Variants in CCDC92 observed in about 807,000 individuals in gnomAD.
CCDC92 encodes the protein coiled-coil domain containing 92.
A neutral mutation model predicts 24.9 loss-of-function variants in CCDC92; 12 were observed. That is an observed-to-expected ratio of 0.48 (90% CI 0.31 to 0.78). The LOEUF (loss-of-function observed/expected upper bound fraction) is 0.78, where lower values mean the gene tolerates loss of function less well. CCDC92 is among the 30% of genes least tolerant of loss of function. The probability of loss-of-function intolerance (pLI) is 0.05; values close to 1 mark genes in which losing one functional copy is unlikely to be tolerated. For missense variants in CCDC92, 399 were observed against 439.4 expected (o/e 0.91, Z 0.82); for synonymous variants, 193 against 196.3 (o/e 0.98, Z 0.14).
chr12:123,966,596 G>A (rs1327119409), intron 1 of CCDC92: 2 of 152,128 alleles, frequency 1.3e-5, no homozygotes, highest in East Asian at 1.9e-4. Flanking sequence ...CTAACCTGCC[G>A]AGGATTCCCA....
chr12:123,968,502 A>T (rs1362228339), intron 1 of CCDC92: 2 of 152,218 alleles, frequency 1.3e-5, no homozygotes, highest in Non-Finnish European at 1.5e-5. Flanking sequence ...TTCCTGAAAA[A>T]ATAAACACTT....
Position 123,937,212 on chromosome 12 carries a change from C to A in CCDC92, c.842G>T (p.Arg281Leu). 3 of 1,609,256 alleles carry A rather than the reference C, an allele frequency of 1.9e-6. No homozygotes were observed. The highest frequency in any genetic ancestry group is 2.5e-6 in the Non-Finnish European group (3 of 1,179,318). Residue 281 changes from arginine (R) to leucine (L), a missense_variant, in exon 5 of 5, where the codon CGC becomes CTC. Transcript: ENST00000238156. This position sits in a 1 kb window ranked among gnomAD's most constrained non-coding sequence, Gnocchi z 8.4. ...GACGTGGGCCTTGTGCGGCTTTTCG[C>A]GGGCCGGGCTGTGCTGCTCGCCGCT... ...DRSGEQHSPA[R>L]EKPHKAHVGV...
chr12:123,943,638 C>T (rs1955759225), intron 2 of CCDC92, 145 bp from the exon 3 acceptor site: 1 of 839,176 alleles, frequency 1.2e-6, no homozygotes, highest in Non-Finnish European at 1.9e-6. Flanking sequence ...GGTGTGGGGG[C>T]ACCAGGGCTA....
chr12:123,971,271 C>T (rs12301673), intron 1 of CCDC92, among the ~76,000 whole-genome samples: 48,168 of 151,968 alleles, frequency 0.32, 7,795 homozygotes, highest in Middle Eastern at 0.37. Flanking sequence ...TTAAAGCCTT[C>T]TTCCAAGCAT....
intron 1 of CCDC92, among the ~76,000 whole-genome samples, chr12:123,967,343 GTTC>G (rs1305085229): frequency 2.0e-5 from 3 of 152,170 alleles, no homozygotes; most frequent in African/African-American, 7.2e-5. Flanking sequence ...CTTCTGCTAT[GTTC>G]TTATCTATGG....
chr12:123,948,039 C>CA (rs2138000388), intron 1 of CCDC92, among the ~76,000 whole-genome samples: 1 of 152,320 alleles, frequency 6.6e-6, no homozygotes, highest in Admixed American at 6.5e-5. Context: ...CTGTAACACT[C>CA]ACGGCGAGGG....
At chr12:123,952,723 G>A (rs1463353620) in intron 1 of CCDC92, among the ~76,000 whole-genome samples, 1 of 152,204 alleles carries the variant, frequency 6.6e-6, no homozygotes, top group Admixed American at 6.5e-5. Context: ...GGAAAGGTAA[G>A]TACTCAACAA....
intron 4 of CCDC92, among the ~76,000 whole-genome samples, chr12:123,940,668 A>C (rs1399511256): frequency 6.6e-6 from 1 of 152,174 alleles, no homozygotes. Context: ...CTTGGTGCAC[A>C]CTGAGCTGAC....
chr12:123,955,380 A>G (rs1436542673), intron 1 of CCDC92, among the ~76,000 whole-genome samples: 1 of 152,362 alleles, frequency 6.6e-6, no homozygotes, highest in East Asian at 1.9e-4. Flanking sequence ...TAAAAGATAC[A>G]GTGATCCCAA....
At chr12:123,951,039 C>CA (rs1956012260) in intron 1 of CCDC92, among the ~76,000 whole-genome samples, 1 of 152,228 alleles carries the variant, frequency 6.6e-6, no homozygotes, top group South Asian at 2.1e-4. Context: ...ACCCCTCCAA[C>CA]ACGGGGCCTT....
chr12:123,946,638 G>GC (rs1333312379), intron 1 of CCDC92: 1 of 152,322 alleles, frequency 6.6e-6, no homozygotes, highest in Non-Finnish European at 1.5e-5. Context: ...ACAGTGCCTG[G>GC]CACCCTGGAG....
intron 4 of CCDC92, among the ~76,000 whole-genome samples, chr12:123,939,109 C>T (rs1333661218): frequency 1.3e-5 from 2 of 152,232 alleles, no homozygotes; most frequent in Non-Finnish European, 1.5e-5. Context: ...GCTTCCATCA[C>T]TCTCCCCAAG....
rs1348322112 is a variant in CCDC92 at position 123,969,483 on chromosome 12, T to A, written c.-60+3046A>T. ...TCAGTTTTTTTTTTTTTTTTTTTTTTTTTTGAGACGGAGTCTCCATCTGTT... is the reference window on the plus strand; with the variant it reads ...TCAGTTTTTTTTTTTTTTTTTTTTTATTTTGAGACGGAGTCTCCATCTGTT... On this transcript the variant is annotated intron_variant, in intron 1 of 4. Transcript: ENST00000238156. Among the ~76,000 whole-genome samples, 7 of 147,210 alleles carry A rather than the reference T, an allele frequency of 4.8e-5. 1 individual carries two copies. Among genetic ancestry groups the A allele is most frequent in the Admixed American group, 4.7e-4 (7 of 14,776 alleles).
At chr12:123,967,606 A>G (rs948448902) in intron 1 of CCDC92, among the ~76,000 whole-genome samples, 5 of 152,218 alleles carry the variant, frequency 3.3e-5, no homozygotes, top group African/African-American at 9.6e-5. Flanking sequence ...TTAGAAAAAT[A>G]TGGAGAGCCT....
intron 4 of CCDC92, among the ~76,000 whole-genome samples, chr12:123,939,682 G>C (rs896783293): frequency 6.6e-6 from 1 of 152,168 alleles, no homozygotes; most frequent in Non-Finnish European, 1.5e-5. Flanking sequence ...TCCCTAAAAA[G>C]GATGCATGCA....
chr12:123,944,179 G>T, intron 2 of CCDC92, 93 bp downstream of exon 2: 1 of 802,256 alleles, frequency 1.2e-6, no homozygotes, highest in South Asian at 1.4e-5. Context: ...GGGCCAGGGG[G>T]TGGTGCAGGT....
At chr12:123,952,833 ATCTTGTTGG>A (rs1956059427) in intron 1 of CCDC92, among the ~76,000 whole-genome samples, 1 of 152,256 alleles carries the variant, frequency 6.6e-6, no homozygotes, top group South Asian at 2.1e-4. Flanking sequence ...AAGATAAAAC[ATCTTGTTGG>A]TTAGTCATTC....
intron 1 of CCDC92, chr12:123,972,189 G>C (rs915689918): frequency 2.6e-5 from 4 of 152,090 alleles, no homozygotes; most frequent in Non-Finnish European, 4.4e-5. Flanking sequence ...ACTGGAGCCC[G>C]GGCCGGGGAG....
Position 123,936,984 on chromosome 12 carries a change from C to A in CCDC92, c.*74G>T. The A allele has an allele frequency of 6.5e-7, 1 of 1,549,292 alleles. No individual in the cohort carries two copies. ...AGTGTTTGGCATGCATGGGATTAAACAGAAAAGGTGTGGCTGAGATTTCCC... is the reference window on the plus strand; with the variant it reads ...AGTGTTTGGCATGCATGGGATTAAAAAGAAAAGGTGTGGCTGAGATTTCCC... On this transcript the variant is annotated 3_prime_UTR_variant, in exon 5 of 5. Coordinates refer to ENST00000238156, the MANE Select transcript of CCDC92 (RefSeq NM_025140.3).
Sources: gnomAD v4.1 joint callset for allele counts (sites outside exome capture counted in the v4.1 genomes callset) on GRCh38, gnomAD v4.1.1 for gene constraint, Gnocchi (gnomAD v3.1) non-coding constraint, MANE v1.5 for transcripts, NCBI Gene and HGNC (gene_info 2026-07-23, HGNC 2026-07-21) for gene names.